CKAP2: variants seen among roughly 807,000 people sequenced by gnomAD.
CKAP2 encodes cytoskeleton associated protein 2.
A neutral mutation model predicts 58.4 loss-of-function variants in CKAP2; 46 were observed. That is an observed-to-expected ratio of 0.79 (90% CI 0.62 to 1.01). CKAP2 has a LOEUF of 1.01. Among genes scored for constraint, CKAP2 ranks in the 50% least tolerant of loss-of-function variants. CKAP2 has a pLI of 0.00. For synonymous variants in CKAP2, 293 were observed against 280.9 expected (o/e 1.04, Z -0.43); for missense variants, 809 against 796.4 (o/e 1.02, Z -0.19).
rs1463115882 is a variant in CKAP2, at chr13:52,468,308, G to C, written c.1507G>C (p.Asp503His). The C allele has an allele frequency of 6.2e-7, 1 of 1,602,156 alleles. No homozygotes were observed. The highest frequency in any genetic ancestry group is 2.2e-5 in the East Asian group (1 of 44,690). The change falls in exon 7 of 9, where the codon GAT becomes CAT. Residue 503 changes from aspartate (D) to histidine (H), a missense_variant. Physicochemically the swap from Asp to His is moderately conservative, Grantham distance 81. Transcript: ENST00000258607. ...PIEEMRHTIVDILTMKSQEKA... is the reference protein window; with the variant it reads ...PIEEMRHTIVHILTMKSQEKA... ...TGAAGAGATGCGACACACGATTGTA[G>C]ATATTCTAACAATGAAGAGTCAAGA...
At chr13:52,465,830 C>G (rs1958659651) in intron 6 of CKAP2, 1 of 397,208 alleles carries the variant, frequency 2.5e-6, no homozygotes, top group African/African-American at 2.1e-5. Flanking sequence ...ATTAAATTCG[C>G]TTTTTAAATG....
At chr13:52,464,452 C>T (rs1182970178) in intron 5 of CKAP2, among the ~76,000 whole-genome samples, 2 of 150,356 alleles carry the variant, frequency 1.3e-5, no homozygotes, top group Non-Finnish European at 2.9e-5. Context: ...ACTCAGAAGG[C>T]TGAGGCTGGA....
intron 5 of CKAP2, among the ~76,000 whole-genome samples, chr13:52,463,344 A>G (rs886534899): frequency 3.3e-5 from 5 of 152,196 alleles, no homozygotes; most frequent in Admixed American, 1.3e-4. Flanking sequence ...TTAGAAAGCA[A>G]AGGTGTCACT....
At chr13:52,455,776 A>G in intron 1 of CKAP2, 150 bp downstream of exon 1, 1 of 995,968 alleles carries the variant, frequency 1.0e-6, no homozygotes, top group Non-Finnish European at 1.4e-6. Flanking sequence ...GCCCTGCCTC[A>G]TTCTTGGCCT....
intron 7 of CKAP2, among the ~76,000 whole-genome samples, chr13:52,473,105 A>G (rs988636780): frequency 4.0e-5 from 6 of 151,604 alleles, no homozygotes; most frequent in Middle Eastern, 3.2e-3. Context: ...TTCCTTTCCT[A>G]TCTGATCTCT....
In CKAP2 at chr13:52,461,613, A is replaced by T; in HGVS notation, c.787A>T (p.Thr263Ser). Residue 263 changes from threonine (T) to serine (S), a missense_variant, in exon 4 of 9, where the codon ACC becomes TCC. Transcript: ENST00000258607. ...TCCTATTAGAAGTCATCACAGTAAT[A>T]CCCGGGACACTGTGAAACAAGGCAT... ...RPPIRSHHSN[T>S]RDTVKQGISR... 6.2e-7 allele frequency: 1 copy of T among 1,613,998 alleles called. No homozygotes were observed. Among genetic ancestry groups the T allele is most frequent in the South Asian group, 1.1e-5 (1 of 91,068 alleles).
intron 7 of CKAP2, among the ~76,000 whole-genome samples, chr13:52,472,153 C>T (rs921298302): frequency 6.6e-6 from 1 of 152,040 alleles, no homozygotes; most frequent in East Asian, 1.9e-4. Flanking sequence ...CCCTGATATA[C>T]CATCCCCTCT....
At chr13:52,465,843 A>T (rs1005579343) in intron 6 of CKAP2, 2 of 386,548 alleles carry the variant, frequency 5.2e-6, no homozygotes, top group Admixed American at 6.8e-5. Context: ...TTTAAATGTT[A>T]TCAAGCTCTC....
intron 1 of CKAP2, chr13:52,456,285 C>A (rs760600648): frequency 2.5e-5 from 19 of 765,510 alleles, no homozygotes; most frequent in Non-Finnish European, 3.3e-5. Context: ...AGATTTTTCA[C>A]AGGGAGTAGA....
chr13:52,475,348 A>AT lies in CKAP2; in HGVS notation c.*207_*208insT, dbSNP rs1342852450. The AT allele has an allele frequency of 3.3e-5, 19 of 575,762 alleles. No individual in the cohort carries two copies. Among genetic ancestry groups the AT allele is most frequent in the Non-Finnish European group, 2.8e-6 (1 of 352,568 alleles). 35.7% of individuals were successfully genotyped at this position (575,762 alleles called of 1,614,324 possible). A position where few individuals can be genotyped will look rare whatever the true frequency, so the allele number is the denominator to read the frequency against. On this transcript the variant is annotated 3_prime_UTR_variant, in exon 9 of 9. Coordinates refer to ENST00000258607, the MANE Select transcript of CKAP2 (RefSeq NM_018204.5). The stretch of plus-strand genomic sequence containing the variant: ...AGCTAATCCTACCTTGTCAGTTTCA[A>AT]CCAACTGAGTTTTTTCTTTAAGAAA...
At chr13:52,472,843 G>A (rs1400888999) in intron 7 of CKAP2, among the ~76,000 whole-genome samples, 3 of 152,070 alleles carry the variant, frequency 2.0e-5, no homozygotes, top group Admixed American at 6.6e-5. Flanking sequence ...TCTAGAATTC[G>A]AGACCATCCT....
At chr13:52,467,645 G>T (rs1958699730) in intron 6 of CKAP2, among the ~76,000 whole-genome samples, 1 of 151,820 alleles carries the variant, frequency 6.6e-6, no homozygotes, top group Non-Finnish European at 1.5e-5. Flanking sequence ...GGAGGCTGAG[G>T]TTACAATGAG....
rs369389198 is a variant in CKAP2, at chr13:52,468,387, GTTTTT to G, written c.1546+45_1546+49del. 1.5e-5 allele frequency: 18 copies of G among 1,182,880 alleles called. No individual in the cohort carries two copies. In the South Asian group the frequency reaches 1.9e-4, roughly 12 times the overall value. 73.3% of individuals were successfully genotyped at this position (1,182,880 alleles called of 1,614,324 possible). A position where few individuals can be genotyped will look rare whatever the true frequency, so the allele number is the denominator to read the frequency against. The stretch of plus-strand genomic sequence containing the variant: ...TTTTATTTCCTTCATGTGAACTGTA[GTTTTT>G]TTTTGTTGTTGTTTTTTAACTTTTA... On this transcript the variant is annotated intron_variant, in intron 7 of 8. Coordinates refer to ENST00000258607, the MANE Select transcript of CKAP2 (RefSeq NM_018204.5).
rs34494025 is a variant in CKAP2, at chr13:52,475,132, T to C, written c.2040T>C (p.Asp680=). 0.015 allele frequency: 24,649 copies of C among 1,613,528 alleles called. 636 individuals carry two copies. The highest frequency in any genetic ancestry group is 0.11 in the Admixed American group (6,854 of 59,924). The change falls in exon 9 of 9, where the codon GAT becomes GAC. Residue 680 remains aspartate (D), a synonymous_variant. Coordinates refer to ENST00000258607, the MANE Select transcript of CKAP2 (RefSeq NM_018204.5). The part of the protein sequence containing the change: ...AALCRVYYEA[D]TT ...TGTGCCGGGTGTACTATGAGGCTGA[T>C]ACAACATAAGAGAAATAAAGCTCTG... is the stretch of plus-strand genomic sequence containing the variant.
Position 52,470,917 on chromosome 13 carries a change from T to C in CKAP2, c.1546+2570T>C, listed in dbSNP as rs57214011. ...GCTCACGCCTGTAATCCCAGCACTTTGGGAGGCCTAGGCGGGTGGATCACG... is the reference window on the plus strand; with the variant it reads ...GCTCACGCCTGTAATCCCAGCACTTCGGGAGGCCTAGGCGGGTGGATCACG... On this transcript the variant is annotated intron_variant, in intron 7 of 8. Transcript: ENST00000258607. Among the ~76,000 whole-genome samples the C allele has an allele frequency of 8.9e-3, 1,357 of 152,242 alleles. 19 individuals carry two copies. Among genetic ancestry groups the C allele is most frequent in the African/African-American group, 0.031 (1,297 of 41,540 alleles).
intron 7 of CKAP2, among the ~76,000 whole-genome samples, chr13:52,469,027 T>A (rs549023618): frequency 6.6e-6 from 1 of 152,350 alleles, no homozygotes; most frequent in African/African-American, 2.4e-5. Flanking sequence ...TCCACAACCC[T>A]GCCAGCATCT....
intron 2 of CKAP2, 30 bp downstream of exon 2, chr13:52,456,637 T>C: frequency 5.3e-6 from 8 of 1,504,078 alleles, no homozygotes; most frequent in Non-Finnish European, 7.4e-6. Context: ...TTTTCACTTC[T>C]GTAAAATTGT....
At chr13:52,458,059 TA>T (rs922967714) in intron 2 of CKAP2, among the ~76,000 whole-genome samples, 6 of 152,266 alleles carry the variant, frequency 3.9e-5, no homozygotes, top group African/African-American at 1.4e-4. Flanking sequence ...AAATAATTTC[TA>T]ACTTTATATT....
intron 6 of CKAP2, 196 bp downstream of exon 6, chr13:52,465,661 A>G (rs1245378325): frequency 1.4e-5 from 9 of 652,254 alleles, no homozygotes; most frequent in Admixed American, 2.4e-5. Flanking sequence ...ATTGGGAATA[A>G]TCAGATTTTA....
Sources: gnomAD v4.1 joint callset for allele counts (sites outside exome capture counted in the v4.1 genomes callset) on GRCh38, gnomAD v4.1.1 for gene constraint, MANE v1.5 for transcripts, NCBI Gene and HGNC (gene_info 2026-07-23, HGNC 2026-07-21) for gene names.